The following PCSK2 variants were observed in gnomAD, a reference collection of about 807,000 sequenced individuals.
PCSK2 encodes the protein proprotein convertase subtilisin/kexin type 2, also known as neuroendocrine convertase 2.
Under a neutral mutation model 69.7 loss-of-function variants are expected in PCSK2, and 14 were observed. That is an observed-to-expected ratio of 0.20 (90% CI 0.13 to 0.31). The LOEUF is 0.31. Ranked by LOEUF, PCSK2 falls within the 10% of genes least tolerant of loss-of-function variation. The pLI is 1.00. For synonymous variants in PCSK2, 307 were observed against 320.7 expected, an observed-to-expected ratio of 0.96 and a Z score of 0.46; for missense variants, 544 against 842.5, an observed-to-expected ratio of 0.65 and a Z score of 4.39.
At chr20:17,270,669 A>T (rs190639599) in intron 2 of PCSK2, among the ~76,000 whole-genome samples, 1 of 152,286 alleles carries the variant, frequency 6.6e-6, no homozygotes, top group Non-Finnish European at 1.5e-5. Flanking sequence ...CCAAGTAAAG[A>T]ATAGTTTAAT....
At chr20:17,449,946 T>C (rs2032786695) in intron 8 of PCSK2, among the ~76,000 whole-genome samples, 1 of 151,092 alleles carries the variant, frequency 6.6e-6, no homozygotes, top group Non-Finnish European at 1.5e-5. Context: ...TTCCATAGAG[T>C]TCAGAGAGGT....
chr20:17,296,625 G>A (rs1988902983), intron 2 of PCSK2, among the ~76,000 whole-genome samples: 1 of 152,178 alleles, frequency 6.6e-6, no homozygotes, highest in Non-Finnish European at 1.5e-5. Context: ...AATTTTGATA[G>A]GGAAGGAAAG....
intron 2 of PCSK2, among the ~76,000 whole-genome samples, chr20:17,290,128 A>T (rs1400611362): frequency 6.6e-6 from 1 of 152,100 alleles, no homozygotes; most frequent in African/African-American, 2.4e-5. Flanking sequence ...AGTGAAAGCA[A>T]TTTTTTTCCA....
At chr20:17,424,064 C>A (rs2032191121) in intron 6 of PCSK2, among the ~76,000 whole-genome samples, 1 of 152,156 alleles carries the variant, frequency 6.6e-6, no homozygotes, top group African/African-American at 2.4e-5. Context: ...AGAAACTATT[C>A]CTTATGGGTA....
chr20:17,426,953 T>C (rs1436119797), intron 6 of PCSK2, among the ~76,000 whole-genome samples: 1 of 152,202 alleles, frequency 6.6e-6, no homozygotes, highest in Admixed American at 6.5e-5. Flanking sequence ...CAAATGAAAT[T>C]AACCGTTACA....
intron 2 of PCSK2, among the ~76,000 whole-genome samples, chr20:17,272,271 C>T (rs1461023848): frequency 1.3e-5 from 2 of 152,078 alleles, no homozygotes; most frequent in African/African-American, 4.8e-5. Context: ...AGTAGTATTG[C>T]ATGCTCACTT....
At chr20:17,382,792 T>C (rs1263933387) in intron 5 of PCSK2, among the ~76,000 whole-genome samples, 1 of 152,126 alleles carries the variant, frequency 6.6e-6, no homozygotes, top group Non-Finnish European at 1.5e-5. Context: ...AACAGGTGGC[T>C]CTCCCCCTTC....
chr20:17,271,043 T>A (rs1198200175), intron 2 of PCSK2, among the ~76,000 whole-genome samples: 1 of 151,792 alleles, frequency 6.6e-6, no homozygotes, highest in African/African-American at 2.4e-5. Flanking sequence ...AAGCCACGAC[T>A]AAAACCCAGC....
At chr20:17,411,228 C>T (rs1285144862) in intron 6 of PCSK2, among the ~76,000 whole-genome samples, 4 of 152,196 alleles carry the variant, frequency 2.6e-5, no homozygotes, top group Non-Finnish European at 2.9e-5. Flanking sequence ...CTCATTGGGA[C>T]TAGTTGGACA....
Position 17,366,887 on chromosome 20 carries a change from T to C in PCSK2, c.506-2353T>C, listed in dbSNP as rs562478753. On this transcript the variant is annotated intron_variant, in intron 4 of 11. Transcript: ENST00000262545. ...ATCTTCTTGCTCCAGTATTTTCCCT[T>C]GACAGAGAAGACACTACTATTTATT... Among the ~76,000 whole-genome samples the C allele has an allele frequency of 4.7e-3, 719 of 152,278 alleles. 2 individuals are homozygous for C. The highest frequency in any genetic ancestry group is 6.6e-3 in the Non-Finnish European group (448 of 68,004).
chr20:17,361,325 G>A (rs1261945718), intron 4 of PCSK2, among the ~76,000 whole-genome samples: 5 of 152,168 alleles, frequency 3.3e-5, no homozygotes, highest in Admixed American at 6.5e-5. Context: ...TTCAACCTGC[G>A]TGCCTACCAA....
rs537695331 is a variant in PCSK2, at chr20:17,304,941, A to G, written c.282+44597A>G. On this transcript the variant is annotated intron_variant, in intron 2 of 11. Transcript: ENST00000262545. ...TTTGTTTCTGACTGAATCATCTGCTACGGTTAAGCCCACCTCAGCAGGCTG... is the reference window on the plus strand; with the variant it reads ...TTTGTTTCTGACTGAATCATCTGCTGCGGTTAAGCCCACCTCAGCAGGCTG... Among the ~76,000 whole-genome samples the G allele has an allele frequency of 2.0e-5, 3 of 152,258 alleles. No homozygotes were observed. The South Asian group carries it at 6.2e-4, about 32-fold the overall frequency.
intron 1 of PCSK2, among the ~76,000 whole-genome samples, chr20:17,249,419 A>G (rs1391726956): frequency 2.0e-5 from 3 of 149,288 alleles, no homozygotes; most frequent in African/African-American, 7.4e-5. Context: ...AGGCAGGAGA[A>G]TGGCGTTAAC....
chr20:17,257,029 C>T (rs1295717086), intron 1 of PCSK2, among the ~76,000 whole-genome samples: 2 of 152,054 alleles, frequency 1.3e-5, no homozygotes, highest in African/African-American at 4.8e-5. Flanking sequence ...CATTGATGGG[C>T]ATTTGAGTTG....
Position 17,418,695 on chromosome 20 carries a change from C to A in PCSK2, c.620+9356C>A, listed in dbSNP as rs192840866. Among the ~76,000 whole-genome samples, 19 of 152,236 alleles carry A rather than the reference C, an allele frequency of 1.2e-4. No individual in the cohort carries two copies. In the East Asian group the frequency reaches 2.1e-3, roughly 17 times the overall value. ...GCACTTGTTGTTGGCTGGCATAGGACCCAGCATGAGCCTCCCACCAGCTGT... is the reference window on the plus strand; with the variant it reads ...GCACTTGTTGTTGGCTGGCATAGGAACCAGCATGAGCCTCCCACCAGCTGT... On this transcript the variant is annotated intron_variant, in intron 6 of 11. Coordinates refer to ENST00000262545, the MANE Select transcript of PCSK2 (RefSeq NM_002594.5).
At chr20:17,399,305 A>G (rs1244664938) in intron 5 of PCSK2, among the ~76,000 whole-genome samples, 2 of 152,256 alleles carry the variant, frequency 1.3e-5, no homozygotes, top group Non-Finnish European at 2.9e-5. Context: ...ACTTTATTCC[A>G]GTGTTTGCCA....
At chr20:17,350,607 G>A (rs2029951546) in intron 2 of PCSK2, among the ~76,000 whole-genome samples, 1 of 152,294 alleles carries the variant, frequency 6.6e-6, no homozygotes, top group East Asian at 1.9e-4. Flanking sequence ...TGTGCCCATA[G>A]GGAGAGGCAA....
chr20:17,255,543 A>G (rs1390157545), intron 1 of PCSK2, among the ~76,000 whole-genome samples: 1 of 152,100 alleles, frequency 6.6e-6, no homozygotes, highest in Admixed American at 6.5e-5. Flanking sequence ...AGGTTTCACT[A>G]TGTTAGCCAG....
At chr20:17,317,437 G>A (rs1290376317) in intron 2 of PCSK2, among the ~76,000 whole-genome samples, 4 of 152,202 alleles carry the variant, frequency 2.6e-5, no homozygotes, top group Non-Finnish European at 4.4e-5. Flanking sequence ...TCTCACTGGA[G>A]TGGGCATAAT....
Sources: allele counts gnomAD v4.1 joint callset (sites outside exome capture counted in the v4.1 genomes callset), GRCh38; gene constraint gnomAD v4.1.1; transcripts MANE v1.5; gene names NCBI Gene and HGNC (gene_info 2026-07-23, HGNC 2026-07-21).